The following KCTD8 variants were observed in gnomAD, a reference collection of about 807,000 sequenced individuals.
KCTD8 encodes BTB/POZ domain-containing protein KCTD8.
In KCTD8, 27 loss-of-function variants were observed where a neutral mutation model predicts 31.5. The ratio of observed to expected loss-of-function variants is 0.86; its 90% CI spans 0.63 to 1.18. The LOEUF (loss-of-function observed/expected upper bound fraction) is 1.18. KCTD8 is among the 50% of genes most tolerant of loss of function. The probability of loss-of-function intolerance (pLI) is 0.00; values close to 1 mark genes in which losing one functional copy is unlikely to be tolerated. For synonymous variants in KCTD8, 290 were observed against 280.0 expected (o/e 1.04, Z -0.36); for missense variants, 658 against 647.7 (o/e 1.02, Z -0.17).
At chr4:44,269,374 T>A (rs1219582149) in intron 1 of KCTD8, among the ~76,000 whole-genome samples, 3 of 151,624 alleles carry the variant, frequency 2.0e-5, no homozygotes, top group Admixed American at 6.6e-5. Flanking sequence ...CCTTATACCT[T>A]ATACAAAAAT....
chr4:44,274,898 G>C (rs1716709881), intron 1 of KCTD8, among the ~76,000 whole-genome samples: 1 of 151,700 alleles, frequency 6.6e-6, no homozygotes, highest in Non-Finnish European at 1.5e-5. Flanking sequence ...CTAGAATGTG[G>C]TCCACTGCAA....
intron 1 of KCTD8, among the ~76,000 whole-genome samples, chr4:44,191,229 T>G (rs2109334829): frequency 6.6e-6 from 1 of 152,342 alleles, no homozygotes; most frequent in African/African-American, 2.4e-5. Context: ...ATACCTGTCT[T>G]ACTTTAATCT....
At chr4:44,188,841 C>T (rs555789517) in intron 1 of KCTD8, among the ~76,000 whole-genome samples, 1 of 152,230 alleles carries the variant, frequency 6.6e-6, no homozygotes, top group East Asian at 1.9e-4. Context: ...TAGAACTTCT[C>T]GAGATAGTGT....
At chr4:44,440,009 G>A (rs963852255) in intron 1 of KCTD8, among the ~76,000 whole-genome samples, 1 of 151,604 alleles carries the variant, frequency 6.6e-6, no homozygotes, top group African/African-American at 2.4e-5. Flanking sequence ...TCGGCTCATT[G>A]CAACCTCTGC....
At position 44,448,313 on chromosome 4, in the gene KCTD8, C is replaced by T. The variant is rs1655728592; in HGVS notation, c.211G>A (p.Ala71Thr). The change falls in exon 1 of 2, where the codon GCC becomes ACC. Residue 71 changes from alanine (A) to threonine (T), a missense_variant. Coordinates refer to ENST00000360029, the MANE Select transcript of KCTD8 (RefSeq NM_198353.3). This position sits in a 1 kb window ranked among gnomAD's most constrained non-coding sequence, Gnocchi z 4.1. ...TLLSVPDSTLASMFSPSSPRG... is the reference protein window; with the variant it reads ...TLLSVPDSTLTSMFSPSSPRG... The stretch of plus-strand genomic sequence containing the variant: ...GGACTAGAGGGCGAGAACATGCTGG[C>T]CAAAGTACTGTCCGGGACGCTGAGC... 5 of 1,605,306 alleles carry T rather than the reference C, an allele frequency of 3.1e-6. No individual in the cohort carries two copies. The highest frequency in any genetic ancestry group is 1.1e-5 in the South Asian group (1 of 90,502).
chr4:44,422,977 C>T (rs1165788251), intron 1 of KCTD8, among the ~76,000 whole-genome samples: 1 of 152,052 alleles, frequency 6.6e-6, no homozygotes, highest in African/African-American at 2.4e-5. Flanking sequence ...ACTTTACCAA[C>T]CATAAATTTG....
intron 1 of KCTD8, among the ~76,000 whole-genome samples, chr4:44,303,178 C>G (rs2109393716): frequency 6.6e-6 from 1 of 152,162 alleles, no homozygotes; most frequent in South Asian, 2.1e-4. Flanking sequence ...GTCTAAAATT[C>G]TCTTTTTTGA....
At position 44,447,936 on chromosome 4, in the gene KCTD8, G is replaced by GCCGCCA. The variant is rs2109489989; in HGVS notation, c.587_588insTGGCGG (p.Gly199_Gly200dup). On this transcript the variant is annotated inframe_insertion, in exon 1 of 2. Coordinates refer to ENST00000360029, the MANE Select transcript of KCTD8 (RefSeq NM_198353.3). ...GCTTGTCCTGCGCGCCGCCGCCGCC[G>GCCGCCA]CCACCACCGTGCGCTCCCGGGCCCG... The GCCGCCA allele has an allele frequency of 6.9e-7, 1 of 1,446,600 alleles. No homozygotes were observed. The highest frequency in any genetic ancestry group is 1.5e-5 in the African/African-American group (1 of 67,660). The allele number at this position is 1,446,600 out of a possible 1,614,324, so 89.6% of individuals were successfully genotyped here.
intron 1 of KCTD8, among the ~76,000 whole-genome samples, chr4:44,372,986 A>G (rs1484298959): frequency 6.6e-6 from 1 of 152,162 alleles, no homozygotes; most frequent in Non-Finnish European, 1.5e-5. Flanking sequence ...ATATAGAATT[A>G]TGCATCTGTG....
intron 1 of KCTD8, among the ~76,000 whole-genome samples, chr4:44,383,848 G>A (rs1002099822): frequency 1.3e-5 from 2 of 151,940 alleles, no homozygotes; most frequent in African/African-American, 4.8e-5. Flanking sequence ...AAAAACCTCT[G>A]CATAGCAAAG....
intron 1 of KCTD8, among the ~76,000 whole-genome samples, chr4:44,326,022 T>C (rs1718435056): frequency 3.3e-5 from 5 of 152,014 alleles, no homozygotes; most frequent in Admixed American, 3.3e-4. Flanking sequence ...GAAGTCATTG[T>C]GCAAATGTCC....
intron 1 of KCTD8, among the ~76,000 whole-genome samples, chr4:44,400,849 A>AT (rs1353080519): frequency 3.4e-5 from 5 of 148,486 alleles, no homozygotes; most frequent in African/African-American, 4.9e-5. Context: ...TTAAAGTAAT[A>AT]TTTTTTTTTT....
intron 1 of KCTD8, among the ~76,000 whole-genome samples, chr4:44,265,033 G>C (rs1219913803): frequency 2.0e-5 from 3 of 152,180 alleles, no homozygotes; most frequent in Non-Finnish European, 4.4e-5. Context: ...GCTTTGAAGA[G>C]AGCAGTGGTT....
chr4:44,368,264 C>G (rs916930589), intron 1 of KCTD8, among the ~76,000 whole-genome samples: 1 of 152,046 alleles, frequency 6.6e-6, no homozygotes, highest in Non-Finnish European at 1.5e-5. Flanking sequence ...GTAGTCCCAG[C>G]TACTTGGGAG....
intron 1 of KCTD8, among the ~76,000 whole-genome samples, chr4:44,371,942 A>G (rs559224305): frequency 6.6e-4 from 101 of 152,288 alleles, no homozygotes; most frequent in African/African-American, 2.3e-3. Flanking sequence ...TCTGCTCTAC[A>G]TAACTTATAA....
chr4:44,238,778 T>C (rs2109356113), intron 1 of KCTD8, among the ~76,000 whole-genome samples: 1 of 152,324 alleles, frequency 6.6e-6, no homozygotes, highest in South Asian at 2.1e-4. Context: ...TTCAATATAC[T>C]TATTTCTTTA....
chr4:44,293,009 CTT>C (rs1717324794), intron 1 of KCTD8, among the ~76,000 whole-genome samples: 1 of 152,014 alleles, frequency 6.6e-6, no homozygotes, highest in African/African-American at 2.4e-5. Flanking sequence ...CTACAAGACT[CTT>C]TGTAGATAAG....
intron 1 of KCTD8, among the ~76,000 whole-genome samples, chr4:44,185,165 G>A (rs62304797): frequency 0.065 from 9,863 of 152,022 alleles, 405 homozygotes; most frequent in East Asian, 0.13. Context: ...AGTTATTTCC[G>A]TAAACCATGC....
chr4:44,323,291 C>T (rs1318981987), intron 1 of KCTD8, among the ~76,000 whole-genome samples: 5 of 151,788 alleles, frequency 3.3e-5, no homozygotes, highest in Non-Finnish European at 5.9e-5. Flanking sequence ...GTCAGGAGTT[C>T]GAGACCAGCC....
Sources: gnomAD v4.1 joint callset for allele counts (sites outside exome capture counted in the v4.1 genomes callset) on GRCh38, gnomAD v4.1.1 for gene constraint, Gnocchi (gnomAD v3.1) non-coding constraint, MANE v1.5 for transcripts, NCBI Gene and HGNC (gene_info 2026-07-23, HGNC 2026-07-21) for gene names.